PAIP1: variants seen among roughly 807,000 people sequenced by gnomAD.
The protein encoded by PAIP1 is polyadenylate-binding protein-interacting protein 1.
Under a neutral mutation model 61.3 loss-of-function variants are expected in PAIP1, and 16 were observed. The ratio of observed to expected loss-of-function variants is 0.26; its 90% CI spans 0.18 to 0.40. The LOEUF is 0.40. Ranked by LOEUF, PAIP1 falls within the 10% of genes least tolerant of loss-of-function variation. The pLI is 1.00. For missense variants in PAIP1, 416 were observed against 600.9 expected (o/e 0.69, Z 3.22); for synonymous variants, 187 against 226.2 (o/e 0.83, Z 1.56).
chr5:43,549,638 A>G (rs1188496704), intron 2 of PAIP1, among the ~76,000 whole-genome samples: 1 of 152,212 alleles, frequency 6.6e-6, no homozygotes, highest in Non-Finnish European at 1.5e-5. Context: ...TGTCAGCAGC[A>G]TGAAAATGGA....
intron 3 of PAIP1, among the ~76,000 whole-genome samples, chr5:43,546,511 C>T (rs1387876787): frequency 1.3e-5 from 2 of 152,154 alleles, no homozygotes; most frequent in Non-Finnish European, 1.5e-5. Flanking sequence ...GTCCAGTAAC[C>T]ATCCAGAATA....
chr5:43,555,631 C>G (rs1036619059), intron 2 of PAIP1, among the ~76,000 whole-genome samples, 199 bp downstream of exon 2: 1 of 152,212 alleles, frequency 6.6e-6, no homozygotes, highest in Non-Finnish European at 1.5e-5. Flanking sequence ...AGCTTACATT[C>G]TAATACCTTG....
At chr5:43,533,472 A>T (rs1259570155) in intron 9 of PAIP1, among the ~76,000 whole-genome samples, 2 of 152,230 alleles carry the variant, frequency 1.3e-5, no homozygotes, top group African/African-American at 2.4e-5. Context: ...ATATAAAATT[A>T]AAATAGTTGC....
At chr5:43,537,067 C>G (rs1377391309) in intron 5 of PAIP1, 123 bp from the exon 6 acceptor site, 5 of 580,050 alleles carry the variant, frequency 8.6e-6, no homozygotes. Flanking sequence ...CACAGGAACA[C>G]ACTCTGATAT....
chr5:43,544,979 C>T (rs1747573911), intron 3 of PAIP1, among the ~76,000 whole-genome samples: 1 of 152,160 alleles, frequency 6.6e-6, no homozygotes, highest in Non-Finnish European at 1.5e-5. Context: ...TTAATTTCAC[C>T]CCACTCTACT....
intron 2 of PAIP1, among the ~76,000 whole-genome samples, chr5:43,552,736 C>T (rs1388726100): frequency 1.3e-5 from 2 of 152,114 alleles, no homozygotes; most frequent in Non-Finnish European, 2.9e-5. Flanking sequence ...ACCTCAAATA[C>T]TTAGTTCTTA....
At chr5:43,548,643 G>A (rs1747737509) in intron 2 of PAIP1, among the ~76,000 whole-genome samples, 1 of 152,148 alleles carries the variant, frequency 6.6e-6, no homozygotes, top group African/African-American at 2.4e-5. Flanking sequence ...AAGGCTGAGT[G>A]GGCGAGTTTT....
At position 43,529,846 on chromosome 5, in the gene PAIP1, C is replaced by T. The variant is rs1746868531; in HGVS notation, c.1286G>A (p.Arg429Lys). The T allele has an allele frequency of 6.5e-7, 1 of 1,544,572 alleles. No individual in the cohort carries two copies. The highest frequency in any genetic ancestry group is 1.7e-5 in the Admixed American group (1 of 59,902). ...TTCATAATCTGGAAAAAAGTCCTCTCTTTCAAGTAATTCTTGGTATTTCTC... is the reference window on the plus strand; with the variant it reads ...TTCATAATCTGGAAAAAAGTCCTCTTTTTCAAGTAATTCTTGGTATTTCTC... ...YQEKYQELLE[R>K]EDFFPDYEEN... Residue 429 changes from arginine to lysine, a missense_variant, in exon 10 of 11, where the codon AGA becomes AAA. By Grantham distance (26) the Arg-to-Lys change is conservative (BLOSUM62 2). This residue lies in a region of PAIP1 where 135 missense variants were observed against 283.9 expected (regional missense o/e 0.48). Coordinates refer to ENST00000306846, the MANE Select transcript of PAIP1 (RefSeq NM_006451.5).
At position 43,526,563 on chromosome 5, in the gene PAIP1, T is replaced by TTTA. The variant is rs940876451; in HGVS notation, c.*812_*813insTAA. On this transcript the variant is annotated 3_prime_UTR_variant, in exon 11 of 11. Coordinates refer to ENST00000306846, the MANE Select transcript of PAIP1 (RefSeq NM_006451.5). ...AAAAGTGACCCTCAAGGTGTATCAA[T>TTTA]TATAAAGCAGATGAAAACTTGAATG... 2 of 150,184 alleles carry TTTA rather than the reference T, an allele frequency of 1.3e-5. No homozygotes were observed. Among genetic ancestry groups the TTTA allele is most frequent in the African/African-American group, 4.9e-5 (2 of 40,610 alleles). The allele number at this position is 150,184 out of a possible 1,614,324, so 9.3% of individuals were successfully genotyped here.
intron 2 of PAIP1, among the ~76,000 whole-genome samples, chr5:43,550,430 T>TGGCTAAAGTATAA (rs1747817421): frequency 6.6e-6 from 1 of 152,058 alleles, no homozygotes; most frequent in Non-Finnish European, 1.5e-5. Context: ...TATTCATACA[T>TGGCTAAAGTATAA]AAAGGGACTA....
At chr5:43,535,125 A>T (rs188482920) in intron 7 of PAIP1, among the ~76,000 whole-genome samples, 155 bp from the exon 8 acceptor site, 5 of 149,608 alleles carry the variant, frequency 3.3e-5, no homozygotes, top group South Asian at 2.1e-4. Flanking sequence ...AAATTCATTT[A>T]AAAAAAAAAT....
At chr5:43,533,026 T>C (rs1747004318) in intron 9 of PAIP1, among the ~76,000 whole-genome samples, 1 of 152,144 alleles carries the variant, frequency 6.6e-6, no homozygotes, top group Non-Finnish European at 1.5e-5. Flanking sequence ...AGAAAACAAT[T>C]TAGTAACATT....
chr5:43,551,169 G>A (rs1010631975), intron 2 of PAIP1, among the ~76,000 whole-genome samples: 30 of 152,116 alleles, frequency 2.0e-4, no homozygotes, highest in African/African-American at 6.8e-4. Context: ...AACAAGGAAG[G>A]ACCATGCACC....
intron 1 of PAIP1, chr5:43,556,269 G>T: frequency 7.8e-7 from 1 of 1,274,284 alleles, no homozygotes; most frequent in Non-Finnish European, 9.9e-7. Context: ...CGGTGGAAAA[G>T]AGGTGGTTAC....
At chr5:43,554,268 A>G (rs907603944) in intron 2 of PAIP1, among the ~76,000 whole-genome samples, 2 of 152,224 alleles carry the variant, frequency 1.3e-5, no homozygotes, top group African/African-American at 4.8e-5. Context: ...AGGGAAGAAA[A>G]TAAATGGGAA....
chr5:43,542,366 T>TA (rs1160241228), intron 4 of PAIP1, among the ~76,000 whole-genome samples: 1 of 151,452 alleles, frequency 6.6e-6, no homozygotes, highest in Non-Finnish European at 1.5e-5. Context: ...AACCCGTCTC[T>TA]ACTAAAAATA....
chr5:43,547,703 C>A, intron 3 of PAIP1, 25 bp downstream of exon 3: 1 of 1,523,262 alleles, frequency 6.6e-7, no homozygotes, highest in South Asian at 1.2e-5. Flanking sequence ...ATCTGAAGGT[C>A]ACTGCATGCT....
chr5:43,556,789 C>T lies in PAIP1; in HGVS notation c.58G>A (p.Gly20Ser), dbSNP rs895596832. The change falls in exon 1 of 11, where the codon GGC (glycine) becomes AGC (serine). Residue 20 changes from glycine (G) to serine (S), a missense_variant. Coordinates refer to ENST00000306846, the MANE Select transcript of PAIP1 (RefSeq NM_006451.5). ...GAGRGRSRGL[G>S]RGGGGPEGGG... Reference sequence around the variant, plus strand: ...CCCTCAGGCCCGCCCCCTCCGCGGCCCAGGCCCCGGCTCCGGCCCCGACCA... The same window carrying T: ...CCCTCAGGCCCGCCCCCTCCGCGGCTCAGGCCCCGGCTCCGGCCCCGACCA... 1.2e-5 allele frequency: 17 copies of T among 1,451,822 alleles called. No individual in the cohort carries two copies. The highest frequency in any genetic ancestry group is 1.4e-5 in the Non-Finnish European group (16 of 1,105,654). 89.9% of individuals were successfully genotyped at this position (1,451,822 alleles called of 1,614,324 possible).
At chr5:43,550,837 C>CAAAAAAAAAAAAAAA (rs373730839) in intron 2 of PAIP1, among the ~76,000 whole-genome samples, 34 of 49,566 alleles carry the variant, frequency 6.9e-4, no homozygotes, top group African/African-American at 8.0e-4. Flanking sequence ...AAATATACTA[C>CAAAAAAAAAAAAAAA]AAAAAAAAAA....
Sources: allele counts gnomAD v4.1 joint callset (sites outside exome capture counted in the v4.1 genomes callset), GRCh38; gene constraint gnomAD v4.1.1; regional missense constraint gnomAD v4.1.1; transcripts MANE v1.5; gene names NCBI Gene and HGNC (gene_info 2026-07-23, HGNC 2026-07-21).